MTFR2: variants seen among roughly 807,000 people sequenced by gnomAD.
MTFR2 encodes DUF729 domain-containing protein 1.
In MTFR2, 44 loss-of-function variants were observed where a neutral mutation model predicts 41.2. That is an observed-to-expected ratio of 1.07 (90% confidence interval 0.84 to 1.37). The LOEUF (loss-of-function observed/expected upper bound fraction) is 1.37, where lower values mean the gene tolerates loss of function less well. Among genes scored for constraint, MTFR2 ranks in the 40% most tolerant of loss-of-function variants. The pLI is 0.00. For synonymous variants in MTFR2, 141 were observed against 154.6 expected, an observed-to-expected ratio of 0.91 and a Z score of 0.65; for missense variants, 452 against 459.5, an observed-to-expected ratio of 0.98 and a Z score of 0.15.
intron 7 of MTFR2, among the ~76,000 whole-genome samples, chr6:136,232,407 T>TGCGC (rs1779788656): frequency 6.6e-6 from 1 of 152,004 alleles, no homozygotes; most frequent in African/African-American, 2.4e-5. Flanking sequence ...TACAGATGCG[T>TGCGC]GCCACCACAC....
Position 136,231,072 on chromosome 6 carries a change from G to T in MTFR2, c.*203C>A, listed in dbSNP as rs1779739412. 2.0e-6 allele frequency: 1 copy of T among 492,160 alleles called. No homozygotes were observed. Among genetic ancestry groups the T allele is most frequent in the Non-Finnish European group, 3.6e-6 (1 of 277,966 alleles). The allele number at this position is 492,160 out of a possible 1,614,324, so 30.5% of individuals were successfully genotyped here. On this transcript the variant is annotated 3_prime_UTR_variant, in exon 8 of 8. Coordinates refer to ENST00000420702, the MANE Select transcript of MTFR2 (RefSeq NM_001099286.3). ...TTTATTTTAAGCTCTATGTACAGAAGAACAGAGTATAAACGTAAAAAGGAA... is the reference window on the plus strand; with the variant it reads ...TTTATTTTAAGCTCTATGTACAGAATAACAGAGTATAAACGTAAAAAGGAA...
chr6:136,243,346 T>A (rs890061259), intron 3 of MTFR2, among the ~76,000 whole-genome samples: 1 of 152,216 alleles, frequency 6.6e-6, no homozygotes, highest in African/African-American at 2.4e-5. Context: ...ACTGAAATAT[T>A]CCTATCACCT....
chr6:136,234,992 T>C (rs1397388907), intron 6 of MTFR2, among the ~76,000 whole-genome samples: 1 of 152,206 alleles, frequency 6.6e-6, no homozygotes, highest in Non-Finnish European at 1.5e-5. Context: ...GCTCAAACAA[T>C]TAATTCTCCT....
At chr6:136,249,266 C>T in intron 1 of MTFR2, 113 bp from the exon 2 acceptor site, 1 of 522,794 alleles carries the variant, frequency 1.9e-6, no homozygotes. Flanking sequence ...TTCTCCTAGC[C>T]AGCATTCTTT....
Position 136,242,901 on chromosome 6 carries a change from A to G in MTFR2, c.241T>C (p.Tyr81His). ...CTGGCTTCTTCATCATTTGCCACATACAAAATATCAGCAAAAGATGGAACC... is the reference window on the plus strand; with the variant it reads ...CTGGCTTCTTCATCATTTGCCACATGCAAAATATCAGCAAAAGATGGAACC... Reference protein sequence around the residue: ...SMVPSFADILYVANDEEASYL... With the variant: ...SMVPSFADILHVANDEEASYL... Residue 81 changes from tyrosine (Y) to histidine (H), a missense_variant, in exon 4 of 8, where the codon TAT (tyrosine) becomes CAT (histidine). Physicochemically the swap from Tyr to His is moderately conservative, Grantham distance 83. Transcript: ENST00000420702. 6.2e-7 allele frequency: 1 copy of G among 1,613,536 alleles called. No individual in the cohort carries two copies. The highest frequency in any genetic ancestry group is 8.5e-7 in the Non-Finnish European group (1 of 1,179,882).
intron 2 of MTFR2, among the ~76,000 whole-genome samples, chr6:136,246,264 C>CGTT (rs927121835): frequency 2.6e-5 from 4 of 151,068 alleles, no homozygotes; most frequent in African/African-American, 9.7e-5. Context: ...TCACCATTTT[C>CGTT]GTTGTTGTTG....
Position 136,244,804 on chromosome 6 carries a change from T to A in MTFR2, c.129A>T (p.Lys43Asn), listed in dbSNP as rs751375608. The A allele has an allele frequency of 6.2e-7, 1 of 1,612,818 alleles. No individual in the cohort carries two copies. Among genetic ancestry groups the A allele is most frequent in the Non-Finnish European group, 8.5e-7 (1 of 1,179,618 alleles). Reference sequence around the variant, plus strand: ...TTCGACAAGGTTCCAGTGGAAGCATTTTCCCAATAATACGAACAATACTCC... The same window carrying A: ...TTCGACAAGGTTCCAGTGGAAGCATATTCCCAATAATACGAACAATACTCC... ...STRSIVRIIG[K>N]MLPLEPCRRP... The change falls in exon 3 of 8, where the codon AAA (lysine) becomes AAT (asparagine). Residue 43 changes from lysine (K) to asparagine (N), a missense_variant. Physicochemically the swap from Lys to Asn is moderately conservative, Grantham distance 94 (BLOSUM62 0). Transcript: ENST00000420702.
At chr6:136,248,086 A>C (rs761169243) in intron 2 of MTFR2, among the ~76,000 whole-genome samples, 23 of 152,238 alleles carry the variant, frequency 1.5e-4, no homozygotes, top group Admixed American at 9.8e-4. Flanking sequence ...AAAATCTTAA[A>C]TTATCCTTGA....
At chr6:136,247,720 C>T (rs1780250901) in intron 2 of MTFR2, among the ~76,000 whole-genome samples, 1 of 152,202 alleles carries the variant, frequency 6.6e-6, no homozygotes, top group Non-Finnish European at 1.5e-5. Context: ...TCTCCACTTA[C>T]AGAAATTCTT....
intron 2 of MTFR2, 34 bp from the exon 3 acceptor site, chr6:136,244,903 C>G (rs1780175261): frequency 6.9e-7 from 1 of 1,440,766 alleles, no homozygotes; most frequent in South Asian, 1.2e-5. Context: ...TTAAAATGCA[C>G]TCTGATTAAG....
At chr6:136,231,669 T>TAAAAAAAAAAAAAAAAAAAAAAA (rs71006791) in intron 7 of MTFR2, among the ~76,000 whole-genome samples, 7 of 82,942 alleles carry the variant, frequency 8.4e-5, no homozygotes, top group African/African-American at 3.3e-4. Flanking sequence ...AAAAACTATG[T>TAAAAAAAAAAAAAAAAAAAAAAA]AAAAAAAAAA....
intron 6 of MTFR2, among the ~76,000 whole-genome samples, chr6:136,235,837 C>T (rs1562207631): frequency 6.6e-6 from 1 of 152,058 alleles, no homozygotes; most frequent in Non-Finnish European, 1.5e-5. Context: ...GAGGCCGAGG[C>T]AGGAGAATCA....
chr6:136,239,952 G>A (rs1221964375), intron 5 of MTFR2, 132 bp from the exon 6 acceptor site: 1 of 672,370 alleles, frequency 1.5e-6, no homozygotes, highest in Non-Finnish European at 2.5e-6. Flanking sequence ...CAAGGAAAGA[G>A]TGTCAATCCC....
chr6:136,244,688 G>T (rs1175089565), intron 3 of MTFR2, 77 bp downstream of exon 3: 4 of 989,910 alleles, frequency 4.0e-6, no homozygotes, highest in Non-Finnish European at 6.3e-6. Flanking sequence ...TTCCTTTGTT[G>T]TTCTACCCCA....
chr6:136,245,977 A>G (rs1780202261), intron 2 of MTFR2, among the ~76,000 whole-genome samples: 1 of 152,176 alleles, frequency 6.6e-6, no homozygotes, highest in African/African-American at 2.4e-5. Flanking sequence ...TGCACAGCCT[A>G]GAGGATATAG....
chr6:136,248,112 T>C (rs1278271350), intron 2 of MTFR2, among the ~76,000 whole-genome samples: 1 of 152,194 alleles, frequency 6.6e-6, no homozygotes, highest in African/African-American at 2.4e-5. Flanking sequence ...TTCTTCTAAT[T>C]CACCCCACCC....
intron 6 of MTFR2, among the ~76,000 whole-genome samples, chr6:136,237,539 T>A (rs1326439402): frequency 6.6e-6 from 1 of 152,074 alleles, no homozygotes; most frequent in African/African-American, 2.4e-5. Context: ...GGGCCAGGTG[T>A]GGTGGCTCAC....
At chr6:136,240,317 A>G (rs1263811784) in intron 5 of MTFR2, among the ~76,000 whole-genome samples, 1 of 152,012 alleles carries the variant, frequency 6.6e-6, no homozygotes, top group Non-Finnish European at 1.5e-5. Flanking sequence ...ACGATTGCTT[A>G]AGAAAACTGT....
At chr6:136,238,903 C>CA (rs1338700346) in intron 6 of MTFR2, among the ~76,000 whole-genome samples, 2 of 151,822 alleles carry the variant, frequency 1.3e-5, no homozygotes, top group Admixed American at 1.3e-4. Flanking sequence ...CCCATCTCTA[C>CA]AAAAAAATAC....
Sources: gnomAD v4.1 joint callset for allele counts (sites outside exome capture counted in the v4.1 genomes callset) on GRCh38, gnomAD v4.1.1 for gene constraint, MANE v1.5 for transcripts, NCBI Gene and HGNC (gene_info 2026-07-23, HGNC 2026-07-21) for gene names.